Variants in NALF1 observed in about 807,000 individuals in gnomAD.
The protein encoded by NALF1 is family with sequence similarity 155 member A.
NALF1 carries 3 observed loss-of-function variants against 48.4 expected under a neutral mutation model. The observed-to-expected ratio is 0.06, with a 90% CI of 0.03 to 0.16. The LOEUF (loss-of-function observed/expected upper bound fraction) is 0.16. Among genes scored for constraint, NALF1 ranks in the 10% least tolerant of loss-of-function variants. The pLI is 1.00. For synonymous variants in NALF1, 262 were observed against 245.7 expected (o/e 1.07, Z -0.62); for missense variants, 526 against 571.5 (o/e 0.92, Z 0.81).
intron 1 of NALF1, among the ~76,000 whole-genome samples, chr13:107,293,359 T>C (rs1881666927): frequency 6.6e-6 from 1 of 152,188 alleles, no homozygotes; most frequent in African/African-American, 2.4e-5. Context: ...GGTGCGTGAC[T>C]GTATGAATCC....
intron 1 of NALF1, among the ~76,000 whole-genome samples, chr13:107,695,707 G>A (rs144596853): frequency 2.8e-4 from 43 of 152,176 alleles, no homozygotes; most frequent in African/African-American, 8.7e-4. Context: ...ATTATAGCAC[G>A]TATCCTTGCT....
At position 107,601,691 on chromosome 13, in the gene NALF1, C is replaced by T. The variant is rs952768280; in HGVS notation, c.915+263991G>A. ...ATTCGCAACTGTTTTAGGGTATTCT[C>T]TTTTTTCATAAGTAGTGTTTTGGGG... is the stretch of plus-strand genomic sequence containing the variant. On this transcript the variant is annotated intron_variant, in intron 1 of 2. Coordinates refer to ENST00000375915, the MANE Select transcript of NALF1 (RefSeq NM_001080396.3). Among the ~76,000 whole-genome samples the T allele has an allele frequency of 3.3e-5, 5 of 151,946 alleles. No individual in the cohort carries two copies. In the East Asian group the frequency reaches 9.6e-4, roughly 29 times the overall value.
At chr13:107,392,128 C>G (rs1375869659) in intron 1 of NALF1, among the ~76,000 whole-genome samples, 1 of 152,072 alleles carries the variant, frequency 6.6e-6, no homozygotes, top group East Asian at 1.9e-4. Flanking sequence ...ATTGTCTTCC[C>G]TTGTTTCTGC....
At chr13:107,427,389 T>C (rs1173162729) in intron 1 of NALF1, among the ~76,000 whole-genome samples, 1 of 152,082 alleles carries the variant, frequency 6.6e-6, no homozygotes, top group Admixed American at 6.6e-5. Flanking sequence ...TTTTTTAAAG[T>C]AGTCCAACAA....
chr13:107,439,004 A>C (rs943619190), intron 1 of NALF1, among the ~76,000 whole-genome samples: 1 of 151,896 alleles, frequency 6.6e-6, no homozygotes, highest in Non-Finnish European at 1.5e-5. Flanking sequence ...AATGTCATGT[A>C]TTAGAAATAA....
At chr13:107,213,373 T>C (rs901360134) in intron 1 of NALF1, among the ~76,000 whole-genome samples, 3 of 152,008 alleles carry the variant, frequency 2.0e-5, no homozygotes, top group South Asian at 2.1e-4. Context: ...CCAGACCTTA[T>C]ACACTGAGCT....
intron 1 of NALF1, among the ~76,000 whole-genome samples, chr13:107,213,732 T>A (rs1391867299): frequency 6.6e-6 from 1 of 152,184 alleles, no homozygotes; most frequent in Non-Finnish European, 1.5e-5. Flanking sequence ...AAAGTTCGCA[T>A]GGGAAGTAAA....
intron 2 of NALF1, among the ~76,000 whole-genome samples, chr13:107,186,847 C>G (rs1879185610): frequency 6.6e-6 from 1 of 152,178 alleles, no homozygotes; most frequent in Admixed American, 6.5e-5. Context: ...TTTATCTACT[C>G]TGGGTTTCAT....
chr13:107,387,607 G>C (rs371710887), intron 1 of NALF1, among the ~76,000 whole-genome samples: 2 of 152,222 alleles, frequency 1.3e-5, no homozygotes, highest in East Asian at 3.9e-4. Context: ...CCATTTCAAT[G>C]ATCACTTCTG....
intron 1 of NALF1, among the ~76,000 whole-genome samples, chr13:107,849,473 T>C (rs184431032): frequency 6.6e-6 from 1 of 152,266 alleles, no homozygotes; most frequent in African/African-American, 2.4e-5. Flanking sequence ...GTCTGGTGCA[T>C]GGCCTGGGAA....
intron 1 of NALF1, among the ~76,000 whole-genome samples, chr13:107,864,185 TA>T (rs993667367): frequency 6.6e-5 from 10 of 152,160 alleles, no homozygotes; most frequent in African/African-American, 2.2e-4. Context: ...GTGATATGGT[TA>T]AAAAAATAGA....
intron 1 of NALF1, among the ~76,000 whole-genome samples, chr13:107,422,082 T>C (rs962843746): frequency 6.6e-6 from 1 of 152,130 alleles, no homozygotes; most frequent in Non-Finnish European, 1.5e-5. Context: ...ACTTTATAGA[T>C]CACTCCTTGG....
intron 1 of NALF1, among the ~76,000 whole-genome samples, chr13:107,797,469 A>T (rs1313535851): frequency 6.6e-6 from 1 of 152,080 alleles, no homozygotes; most frequent in African/African-American, 2.4e-5. Context: ...TCAGCCTCCC[A>T]AAGTGCTGGG....
intron 1 of NALF1, among the ~76,000 whole-genome samples, chr13:107,830,617 T>A (rs1297680249): frequency 6.6e-6 from 1 of 152,202 alleles, no homozygotes; most frequent in Non-Finnish European, 1.5e-5. Context: ...TTGGCCATGT[T>A]TTAATCAATT....
At chr13:107,409,360 T>C (rs771713612) in intron 1 of NALF1, among the ~76,000 whole-genome samples, 2 of 152,034 alleles carry the variant, frequency 1.3e-5, no homozygotes, top group Non-Finnish European at 2.9e-5. Flanking sequence ...TCACAATAAA[T>C]AATGCAGAAT....
intron 1 of NALF1, among the ~76,000 whole-genome samples, chr13:107,325,865 T>G (rs1882347432): frequency 1.2e-5 from 1 of 83,260 alleles, no homozygotes; most frequent in Non-Finnish European, 2.7e-5. Context: ...CATATATATA[T>G]ATATATATAT....
chr13:107,517,252 A>G (rs1230692530), intron 1 of NALF1, among the ~76,000 whole-genome samples: 4 of 152,146 alleles, frequency 2.6e-5, no homozygotes, highest in Admixed American at 2.6e-4. Context: ...TGAAAAACTA[A>G]AAGAAAAGAA....
intron 1 of NALF1, among the ~76,000 whole-genome samples, chr13:107,627,842 C>G (rs544376067): frequency 6.6e-6 from 1 of 152,164 alleles, no homozygotes; most frequent in African/African-American, 2.4e-5. Flanking sequence ...TTAATTTGCT[C>G]TCACCTCTGA....
At chr13:107,446,282 T>C (rs1292363801) in intron 1 of NALF1, among the ~76,000 whole-genome samples, 2 of 152,158 alleles carry the variant, frequency 1.3e-5, no homozygotes, top group Admixed American at 6.6e-5. Flanking sequence ...AATTCTTTTT[T>C]CTAATTCTGT....
Sources: gnomAD v4.1 joint callset for allele counts (sites outside exome capture counted in the v4.1 genomes callset) on GRCh38, gnomAD v4.1.1 for gene constraint, MANE v1.5 for transcripts, NCBI Gene and HGNC (gene_info 2026-07-23, HGNC 2026-07-21) for gene names.